CASZ1: variants seen among roughly 807,000 people sequenced by gnomAD.
CASZ1 encodes the protein castor zinc finger 1, also known as zinc finger protein castor homolog 1.
In CASZ1, 28 loss-of-function variants were observed where a neutral mutation model predicts 135.2. The observed-to-expected ratio is 0.21, with a 90% CI of 0.15 to 0.28. CASZ1 has a LOEUF of 0.28. Ranked by LOEUF, CASZ1 falls within the 10% of genes least tolerant of loss-of-function variation. The pLI is 1.00. For missense variants in CASZ1, 2,161 were observed against 2,453.3 expected, an observed-to-expected ratio of 0.88 and a Z score of 2.52; for synonymous variants, 1,068 against 1,073.4, an observed-to-expected ratio of 0.99 and a Z score of 0.10.
intron 4 of CASZ1, among the ~76,000 whole-genome samples, chr1:10,673,951 G>C (rs1382665452): frequency 6.6e-6 from 1 of 152,242 alleles, no homozygotes; most frequent in Admixed American, 6.5e-5. Flanking sequence ...GCCCTTGAGG[G>C]CAAGTGCAGG....
chr1:10,707,367 CCT>C lies in CASZ1; in HGVS notation c.-76-1825_-76-1824del, dbSNP rs1328696225. ...CGCGGTGTTGCCGTCCCCAACCACC[CCT>C]GTTTTCTGACAACAAGGGAGCGCGG... On this transcript the variant is annotated intron_variant, in intron 2 of 20. Coordinates refer to ENST00000377022, the MANE Select transcript of CASZ1 (RefSeq NM_001079843.3). This position sits in a 1 kb window ranked among gnomAD's most constrained non-coding sequence, Gnocchi z 5.0. Among the ~76,000 whole-genome samples, 9 of 152,314 alleles carry C rather than the reference CCT, an allele frequency of 5.9e-5. No homozygotes were observed. The highest frequency in any genetic ancestry group is 2.6e-4 in the Admixed American group (4 of 15,304).
chr1:10,664,862 A>G (rs1643176056), intron 5 of CASZ1, among the ~76,000 whole-genome samples: 1 of 143,820 alleles, frequency 7.0e-6, no homozygotes, highest in South Asian at 2.5e-4. Context: ...GGTTTCTTGA[A>G]GACCCACTGT....
rs188247713 is a variant in CASZ1 at position 10,648,044 on chromosome 1, G to A, written c.3254C>T (p.Ser1085Leu). ...AAETKPPMAPSSPPVPPVTTA... is the reference protein window; with the variant it reads ...AAETKPPMAPLSPPVPPVTTA... ...GGTGACAGGAGGGACCGGAGGGGAC[G>A]AGGGGGCCATGGGAGGTTTGGTCTC... Residue 1085 changes from serine (S) to leucine (L), a missense_variant, in exon 16 of 21, where the codon TCG (serine) becomes TTG (leucine). Coordinates refer to ENST00000377022, the MANE Select transcript of CASZ1 (RefSeq NM_001079843.3). 18 of 1,601,414 alleles carry A rather than the reference G, an allele frequency of 1.1e-5. No individual in the cohort carries two copies. Among genetic ancestry groups the A allele is most frequent in the Middle Eastern group, 1.7e-4 (1 of 5,978 alleles).
In CASZ1 at chr1:10,640,093, G is replaced by A. The variant is rs1478735753; in HGVS notation, c.4163-34C>T. ...GGGCAGGGAGGTCAGTGCAGAAGAGGGACCCACGTGGGCACCATCAACAGG... is the reference window on the plus strand; with the variant it reads ...GGGCAGGGAGGTCAGTGCAGAAGAGAGACCCACGTGGGCACCATCAACAGG... On this transcript the variant is annotated intron_variant, in intron 20 of 20. Coordinates refer to ENST00000377022, the MANE Select transcript of CASZ1 (RefSeq NM_001079843.3). 4 of 1,572,996 alleles carry A rather than the reference G, an allele frequency of 2.5e-6. No homozygotes were observed. The African/African-American group carries it at 5.4e-5, about 21-fold the overall frequency.
At chr1:10,736,490 G>A (rs17035646) in intron 2 of CASZ1, among the ~76,000 whole-genome samples, 49,331 of 152,086 alleles carry the variant, frequency 0.32, 8,928 homozygotes, top group East Asian at 0.61. Context: ...TGCTCCACCC[G>A]GGATTCTGAT....
intron 13 of CASZ1, 106 bp from the exon 14 acceptor site, chr1:10,649,543 C>T (rs1642491620): frequency 3.1e-6 from 4 of 1,304,382 alleles, no homozygotes; most frequent in East Asian, 5.0e-5. Flanking sequence ...CCCACCCAGC[C>T]CTCAGAGCCA....
At chr1:10,672,208 C>G (rs999051209) in intron 4 of CASZ1, among the ~76,000 whole-genome samples, 4 of 143,856 alleles carry the variant, frequency 2.8e-5, no homozygotes, top group East Asian at 2.1e-4. Flanking sequence ...CCTTCTCCCC[C>G]CTCCCCCCGC....
At chr1:10,768,365 G>A (rs1483698180) in intron 1 of CASZ1, among the ~76,000 whole-genome samples, 2 of 152,140 alleles carry the variant, frequency 1.3e-5, no homozygotes, top group Middle Eastern at 3.4e-3. Flanking sequence ...TTACAGGCAC[G>A]CACCACCATG....
At chr1:10,787,638 C>T (rs1462794601) in intron 1 of CASZ1, among the ~76,000 whole-genome samples, 2 of 152,140 alleles carry the variant, frequency 1.3e-5, no homozygotes, top group Non-Finnish European at 1.5e-5. Context: ...CATTTACACA[C>T]GCGCACGATC....
intron 4 of CASZ1, among the ~76,000 whole-genome samples, chr1:10,674,880 G>C (rs564783679): frequency 5.3e-5 from 8 of 152,210 alleles, no homozygotes; most frequent in African/African-American, 1.7e-4. Context: ...GAGCTGACCA[G>C]TGGGCAGCCC....
rs1000897301 is a variant in CASZ1, at chr1:10,697,244, C to G, written c.-23-3332G>C. ...TGGAGGGGCCCCCAGATTATGCGCC[C>G]CCCCCTTCTCTCTCTTTCTCTCTGA... On this transcript the variant is annotated intron_variant, in intron 3 of 20. Transcript: ENST00000377022. The surrounding 1 kb of genome is among the most constrained non-coding windows in gnomAD (Gnocchi z 4.7). 1.3e-5 allele frequency among the ~76,000 whole-genome samples: 2 copies of G among 151,948 alleles called. No individual in the cohort carries two copies. The highest frequency in any genetic ancestry group is 2.9e-5 in the Non-Finnish European group (2 of 67,986).
At position 10,707,733 on chromosome 1, in the gene CASZ1, T is replaced by C. The variant is rs80321562; in HGVS notation, c.-76-2189A>G. 7.8e-3 allele frequency among the ~76,000 whole-genome samples: 1,186 copies of C among 152,272 alleles called. 53 individuals carry two copies. In the East Asian group the frequency reaches 0.12, roughly 16 times the overall value. ...GCTGAGAGTTCATCTTGGTCTCTTC[T>C]TCCTTCTCTGGGCATCTTTTCTTGT... On this transcript the variant is annotated intron_variant, in intron 2 of 20. Coordinates refer to ENST00000377022, the MANE Select transcript of CASZ1 (RefSeq NM_001079843.3). This position sits in a 1 kb window ranked among gnomAD's most constrained non-coding sequence, Gnocchi z 5.0.
chr1:10,740,936 C>A (rs191929774), intron 2 of CASZ1, among the ~76,000 whole-genome samples: 1 of 120,422 alleles, frequency 8.3e-6, no homozygotes, highest in Non-Finnish European at 1.6e-5. Context: ...CCAGCCTGGG[C>A]GACAGGGTGA....
rs926913779 is a variant in CASZ1, at chr1:10,679,752, C to T, written c.16+14122G>A. On this transcript the variant is annotated intron_variant, in intron 4 of 20. Coordinates refer to ENST00000377022, the MANE Select transcript of CASZ1 (RefSeq NM_001079843.3). This position sits in a 1 kb window ranked among gnomAD's most constrained non-coding sequence, Gnocchi z 4.7. Reference sequence around the variant, plus strand: ...CCACTTCAGGTTTTCCATACTACAACCCCGAGTGTCACCACAGGGTCCGGC... The same window carrying T: ...CCACTTCAGGTTTTCCATACTACAATCCCGAGTGTCACCACAGGGTCCGGC... 6.6e-6 allele frequency among the ~76,000 whole-genome samples: 1 copy of T among 152,222 alleles called. No homozygotes were observed. Among genetic ancestry groups the T allele is most frequent in the Non-Finnish European group, 1.5e-5 (1 of 68,042 alleles).
chr1:10,785,468 C>T (rs1032540559), intron 1 of CASZ1, among the ~76,000 whole-genome samples: 3 of 152,166 alleles, frequency 2.0e-5, no homozygotes, highest in Non-Finnish European at 4.4e-5. Context: ...TGGGAGAGGC[C>T]GATGGAGTTT....
intron 4 of CASZ1, among the ~76,000 whole-genome samples, chr1:10,680,939 C>T (rs185938842): frequency 1.8e-4 from 27 of 152,312 alleles, no homozygotes; most frequent in Middle Eastern, 3.4e-3. Flanking sequence ...CTTACTCTGT[C>T]GCCCAGGCTG....
At chr1:10,749,600 C>T (rs1157416874) in intron 2 of CASZ1, among the ~76,000 whole-genome samples, 2 of 152,090 alleles carry the variant, frequency 1.3e-5, no homozygotes, top group African/African-American at 2.4e-5. Flanking sequence ...CCCCTTCAGC[C>T]AGGTGTGGCC....
chr1:10,795,725 G>A (rs776796359), intron 1 of CASZ1, among the ~76,000 whole-genome samples: 14 of 151,976 alleles, frequency 9.2e-5, no homozygotes, highest in Non-Finnish European at 1.6e-4. Flanking sequence ...GGGTGGGGAA[G>A]GGAGTGAGGA....
At chr1:10,712,755 C>T (rs546938731) in intron 2 of CASZ1, among the ~76,000 whole-genome samples, 2 of 152,358 alleles carry the variant, frequency 1.3e-5, no homozygotes, top group Admixed American at 1.3e-4. Context: ...CGCACCCCCG[C>T]GGGCTGCCGT....
Sources: allele counts gnomAD v4.1 joint callset (sites outside exome capture counted in the v4.1 genomes callset), GRCh38; gene constraint gnomAD v4.1.1; non-coding constraint Gnocchi (gnomAD v3.1); transcripts MANE v1.5; gene names NCBI Gene and HGNC (gene_info 2026-07-23, HGNC 2026-07-21).